AFG2A: variants seen among roughly 807,000 people sequenced by gnomAD.
AFG2A encodes ATPase family gene 2 protein homolog A.
chr4:123,205,177 A>G, the AFG2A span, among the ~76,000 whole-genome samples: 1 of 152,104 alleles, frequency 6.6e-6, no homozygotes, highest in African/African-American at 2.4e-5. Context: ...GTGTTTCATC[A>G]ATTTTGTCCT....
the AFG2A span, among the ~76,000 whole-genome samples, chr4:123,003,968 AAGCTTCT>A: frequency 3.3e-5 from 5 of 152,106 alleles, no homozygotes; most frequent in Non-Finnish European, 5.9e-5. Context: ...CACCCAGTTC[AAGCTTCT>A]TGGCTGTTTT....
chr4:123,002,771 C>A, the AFG2A span, among the ~76,000 whole-genome samples: 1 of 152,106 alleles, frequency 6.6e-6, no homozygotes, highest in African/African-American at 2.4e-5. Context: ...GTGAATCTGA[C>A]AATTATGTGT....
At chr4:123,264,538 T>C in the AFG2A span, among the ~76,000 whole-genome samples, 1 of 152,170 alleles carries the variant, frequency 6.6e-6, no homozygotes, top group South Asian at 2.1e-4. Flanking sequence ...TGCACCTGTT[T>C]AGTGGCTAAA....
At chr4:123,166,340 A>T in the AFG2A span, among the ~76,000 whole-genome samples, 5 of 152,190 alleles carry the variant, frequency 3.3e-5, no homozygotes, top group Non-Finnish European at 7.4e-5. Context: ...CTCGTGCTTT[A>T]TGCTTCCTGC....
At chr4:122,963,982 C>T in the AFG2A span, among the ~76,000 whole-genome samples, 7 of 151,962 alleles carry the variant, frequency 4.6e-5, no homozygotes, top group Admixed American at 1.3e-4. Context: ...CTTAGTCTAC[C>T]CAGCTGTGAA....
the AFG2A span, among the ~76,000 whole-genome samples, chr4:123,223,592 A>C: frequency 5.3e-5 from 8 of 152,280 alleles, no homozygotes; most frequent in African/African-American, 1.9e-4. Flanking sequence ...GAGAGGCAGA[A>C]GGTGCCACAT....
chr4:123,206,158 A>C, the AFG2A span, among the ~76,000 whole-genome samples: 2 of 152,158 alleles, frequency 1.3e-5, no homozygotes, highest in Admixed American at 6.5e-5. Flanking sequence ...ACACATGATC[A>C]GACCTTTCTA....
chr4:123,132,017 C>T, the AFG2A span, among the ~76,000 whole-genome samples: 1,347 of 119,626 alleles, frequency 0.011, 55 homozygotes, highest in Admixed American at 0.098. Context: ...GGGTATGAGG[C>T]GACATGCATT....
chr4:123,228,672 T>G, the AFG2A span, among the ~76,000 whole-genome samples: 1 of 151,944 alleles, frequency 6.6e-6, no homozygotes, highest in African/African-American at 2.4e-5. Flanking sequence ...CAACTAGAAT[T>G]AACACATTTT....
the AFG2A span, among the ~76,000 whole-genome samples, chr4:123,148,116 G>A: frequency 4.5e-4 from 68 of 152,258 alleles, 2 homozygotes; most frequent in East Asian, 7.1e-3. Context: ...TGAATATGTT[G>A]AAAGAGTTGA....
At chr4:122,934,636 A>G in the AFG2A span, 2 of 1,613,794 alleles carry the variant, frequency 1.2e-6, no homozygotes, top group African/African-American at 1.3e-5. Context: ...CAACCAATTC[A>G]AAGTAACTTA....
the AFG2A span, among the ~76,000 whole-genome samples, chr4:123,007,784 C>G: frequency 6.6e-6 from 1 of 151,664 alleles, no homozygotes; most frequent in Non-Finnish European, 1.5e-5. Flanking sequence ...CTAGCTCTGT[C>G]TTCTCAACTC....
the AFG2A span, among the ~76,000 whole-genome samples, chr4:123,184,856 G>A: frequency 6.6e-6 from 1 of 152,284 alleles, no homozygotes; most frequent in South Asian, 2.1e-4. Context: ...CATTTCTAAA[G>A]TGAAAATAAA....
the AFG2A span, among the ~76,000 whole-genome samples, chr4:123,103,346 C>T: frequency 2.6e-5 from 4 of 152,002 alleles, no homozygotes; most frequent in African/African-American, 7.2e-5. Context: ...GGAGAATTAG[C>T]AGTCATTAGG....
the AFG2A span, among the ~76,000 whole-genome samples, chr4:123,015,451 T>C: frequency 6.6e-6 from 1 of 152,088 alleles, no homozygotes; most frequent in Admixed American, 6.5e-5. Context: ...CATTATTCCA[T>C]TTAACCCTGA....
At chr4:122,934,655 T>C in the AFG2A span, 2 of 1,611,978 alleles carry the variant, frequency 1.2e-6, no homozygotes, top group Non-Finnish European at 1.7e-6. Flanking sequence ...TATGACATGA[T>C]AGGAGGATTA....
At chr4:123,157,509 C>T in the AFG2A span, among the ~76,000 whole-genome samples, 1 of 152,146 alleles carries the variant, frequency 6.6e-6, no homozygotes, top group Middle Eastern at 3.4e-3. Context: ...CTGCTAGCTC[C>T]CTTAGGATGA....
the AFG2A span, among the ~76,000 whole-genome samples, chr4:123,181,133 C>T: frequency 2.6e-5 from 4 of 152,090 alleles, no homozygotes; most frequent in Non-Finnish European, 4.4e-5. Flanking sequence ...TACAGGCACC[C>T]GCCACCGCGC....
At chr4:123,313,031 T>C in the AFG2A span, among the ~76,000 whole-genome samples, 1 of 152,166 alleles carries the variant, frequency 6.6e-6, no homozygotes, top group East Asian at 1.9e-4. Context: ...GCCCTGAAAA[T>C]CACAATATCT....
Sources: gnomAD v4.1 joint callset for allele counts (sites outside exome capture counted in the v4.1 genomes callset) on GRCh38, gnomAD v4.1.1 for gene constraint, MANE v1.5 for transcripts, NCBI Gene and HGNC (gene_info 2026-07-23, HGNC 2026-07-21) for gene names.